CFTR: variants seen among roughly 807,000 people sequenced by gnomAD.
The protein encoded by CFTR is cystic fibrosis transmembrane conductance regulator.
A neutral mutation model predicts 171.6 loss-of-function variants in CFTR; 181 were observed. The ratio of observed to expected loss-of-function variants is 1.05; its 90% CI spans 0.93 to 1.19. CFTR has a LOEUF of 1.19. Among genes scored for constraint, CFTR ranks in the 50% most tolerant of loss-of-function variants. The pLI is 0.00. For synonymous variants in CFTR, 583 were observed against 608.0 expected (o/e 0.96, Z 0.60); for missense variants, 1,968 against 1,734.7 (o/e 1.13, Z -2.39).
At chr7:117,664,531 A>C (rs917993200) in intron 24 of CFTR, among the ~76,000 whole-genome samples, 157 bp from the exon 25 acceptor site, 1 of 152,208 alleles carries the variant, frequency 6.6e-6, no homozygotes, top group Non-Finnish European at 1.5e-5. Flanking sequence ...TTGTAAATAG[A>C]CTTTTGCTCA....
rs56985019 is a variant in CFTR, at chr7:117,499,429, C to CTGTGTGTGTGTGTGTGTG, written c.54-4808_54-4791dup. ...GAAATGAAATTTACTATAGTTTCAT[C>CTGTGTGTGTGTGTGTGTG]TGTGTGTGTGTGTGTGTGTGTGTGT... On this transcript the variant is annotated intron_variant, in intron 1 of 26. Transcript: ENST00000003084. Among the ~76,000 whole-genome samples, 292 of 135,914 alleles carry CTGTGTGTGTGTGTGTGTG rather than the reference C, an allele frequency of 2.1e-3. 2 individuals are homozygous for CTGTGTGTGTGTGTGTGTG. The highest frequency in any genetic ancestry group is 6.2e-3 in the African/African-American group (218 of 35,088). The allele number at this position is 135,914 out of a possible 152,430, so 89.2% of individuals were successfully genotyped here. A position where few individuals can be genotyped will look rare whatever the true frequency, so the allele number is the denominator to read the frequency against.
At chr7:117,662,528 G>C (rs563662289) in intron 24 of CFTR, among the ~76,000 whole-genome samples, 3 of 152,210 alleles carry the variant, frequency 2.0e-5, no homozygotes, top group Non-Finnish European at 2.9e-5. Context: ...GTTCTGCTGG[G>C]AATAAGAGTG....
At chr7:117,653,561 T>A (rs1019996005) in intron 24 of CFTR, among the ~76,000 whole-genome samples, 1 of 152,112 alleles carries the variant, frequency 6.6e-6, no homozygotes, top group African/African-American at 2.4e-5. Context: ...CTCCCACATG[T>A]CCTACATTCT....
intron 23 of CFTR, chr7:117,647,445 C>T: frequency 6.6e-6 from 1 of 152,248 alleles, no homozygotes; most frequent in Non-Finnish European, 1.5e-5. Flanking sequence ...AAGAAGCAGG[C>T]ATGTTACACG....
At chr7:117,648,999 C>T (rs1309534466) in intron 23 of CFTR, among the ~76,000 whole-genome samples, 2 of 151,974 alleles carry the variant, frequency 1.3e-5, no homozygotes, top group Non-Finnish European at 2.9e-5. Context: ...AAATTCACCA[C>T]ACTTAAAACT....
At position 117,547,154 on chromosome 7, in the gene CFTR, T is replaced by C. The variant is rs571046564; in HGVS notation, c.1210-1487T>C. 1.6e-4 allele frequency among the ~76,000 whole-genome samples: 24 copies of C among 152,306 alleles called. No individual in the cohort carries two copies. In the South Asian group the frequency reaches 2.1e-3, roughly 13 times the overall value. On this transcript the variant is annotated intron_variant, in intron 9 of 26. Coordinates refer to ENST00000003084, the MANE Select transcript of CFTR (RefSeq NM_000492.4). ...CTTTCATTGTTAGCTACCCATATAA[T>C]AAAAAACTAAAAGCAGTAGTTTTCA... is the stretch of plus-strand genomic sequence containing the variant.
intron 11 of CFTR, among the ~76,000 whole-genome samples, chr7:117,584,379 C>A (rs1218179367): frequency 6.6e-6 from 1 of 152,058 alleles, no homozygotes; most frequent in Non-Finnish European, 1.5e-5. Flanking sequence ...CAGTTTCATT[C>A]TTCTACGTGT....
chr7:117,537,851 A>C (rs1204967642), intron 7 of CFTR, among the ~76,000 whole-genome samples: 2 of 152,118 alleles, frequency 1.3e-5, no homozygotes, highest in Non-Finnish European at 2.9e-5. Flanking sequence ...GCTCCATCAC[A>C]CTTGCTGAGT....
chr7:117,606,001 T>G (rs1792294859), intron 17 of CFTR, among the ~76,000 whole-genome samples: 1 of 152,240 alleles, frequency 6.6e-6, no homozygotes, highest in Non-Finnish European at 1.5e-5. Context: ...GGAGCATGGC[T>G]TATTCACCTC....
At chr7:117,555,890 AGTT>A (rs1426898281) in intron 10 of CFTR, among the ~76,000 whole-genome samples, 1 of 152,166 alleles carries the variant, frequency 6.6e-6, no homozygotes, top group African/African-American at 2.4e-5. Flanking sequence ...GGCTATTAGT[AGTT>A]AAGTTTTTGT....
intron 3 of CFTR, among the ~76,000 whole-genome samples, chr7:117,523,620 T>G (rs7786196): frequency 0.25 from 38,107 of 151,992 alleles, 5,044 homozygotes; most frequent in East Asian, 0.42. Flanking sequence ...CTTGTGATCC[T>G]CCTGCCTCGG....
chr7:117,519,715 G>A (rs1562886757), intron 3 of CFTR, among the ~76,000 whole-genome samples: 1 of 151,934 alleles, frequency 6.6e-6, no homozygotes, highest in Admixed American at 6.6e-5. Context: ...TCCCTTTAAT[G>A]TGTTGTGAAT....
At chr7:117,601,287 T>A (rs1426723334) in intron 15 of CFTR, among the ~76,000 whole-genome samples, 1 of 152,104 alleles carries the variant, frequency 6.6e-6, no homozygotes, top group Non-Finnish European at 1.5e-5. Flanking sequence ...ATTTCTGGGT[T>A]TCTTTTCATT....
At chr7:117,546,834 G>C (rs1162733740) in intron 9 of CFTR, among the ~76,000 whole-genome samples, 2 of 152,036 alleles carry the variant, frequency 1.3e-5, no homozygotes, top group East Asian at 3.8e-4. Context: ...CATCTTCCTG[G>C]AACACCTATA....
chr7:117,499,459 G>T (rs965702942), intron 1 of CFTR, among the ~76,000 whole-genome samples: 2 of 149,462 alleles, frequency 1.3e-5, no homozygotes, highest in Admixed American at 1.4e-4. Flanking sequence ...GTGTGTGTGT[G>T]TGTTTAAAAA....
chr7:117,501,776 C>CAAAAAAAAAAAAAAAAAAAAAAAGAAAAA (rs796991857), intron 1 of CFTR, among the ~76,000 whole-genome samples: 2 of 84,340 alleles, frequency 2.4e-5, no homozygotes, highest in African/African-American at 3.8e-5. Context: ...AAAAAAGAAA[C>CAAAAAAAAAAAAAAAAAAAAAAAGAAAAA]AAAAAAAAAA....
intron 24 of CFTR, among the ~76,000 whole-genome samples, chr7:117,662,339 C>A (rs1223461613): frequency 6.6e-6 from 1 of 152,134 alleles, no homozygotes; most frequent in East Asian, 1.9e-4. Context: ...AGCTGAAGAG[C>A]ACGTTTTTAC....
chr7:117,515,930 AT>A (rs1798590308), intron 3 of CFTR, among the ~76,000 whole-genome samples: 1 of 152,172 alleles, frequency 6.6e-6, no homozygotes, highest in African/African-American at 2.4e-5. Context: ...ATGGGAATTC[AT>A]TCTTGATTTG....
intron 17 of CFTR, among the ~76,000 whole-genome samples, chr7:117,606,228 G>C (rs553808584): frequency 1.1e-4 from 16 of 152,170 alleles, no homozygotes; most frequent in African/African-American, 3.6e-4. Context: ...CCAGGGTTTC[G>C]GTAGAGGTAT....
Sources: allele counts gnomAD v4.1 joint callset (sites outside exome capture counted in the v4.1 genomes callset), GRCh38; gene constraint gnomAD v4.1.1; transcripts MANE v1.5; gene names NCBI Gene and HGNC (gene_info 2026-07-23, HGNC 2026-07-21).